The following ROBO2 variants were observed in gnomAD, a reference collection of about 807,000 sequenced individuals.
ROBO2 encodes the protein roundabout guidance receptor 2.
A neutral mutation model predicts 160.8 loss-of-function variants in ROBO2; 53 were observed. The observed-to-expected ratio is 0.33, with a 90% CI of 0.26 to 0.41. The LOEUF is 0.41. Ranked by LOEUF, ROBO2 falls within the 10% of genes least tolerant of loss-of-function variation. The pLI, the probability that ROBO2 is intolerant of heterozygous loss-of-function variation, is 1.00. For synonymous variants in ROBO2, 664 were observed against 611.7 expected (o/e 1.09, Z -1.26); for missense variants, 1,577 against 1,722.4 (o/e 0.92, Z 1.49).
At chr3:76,352,304 T>C (rs186452679) in intron 2 of ROBO2, among the ~76,000 whole-genome samples, 63 of 152,032 alleles carry the variant, frequency 4.1e-4, no homozygotes, top group African/African-American at 1.3e-3. Flanking sequence ...CTATGACTAG[T>C]TGGAGTGAGG....
chr3:76,806,214 C>CGTGTGTGTGTGTGTGT (rs71104623), intron 2 of ROBO2, among the ~76,000 whole-genome samples: 57 of 146,272 alleles, frequency 3.9e-4, no homozygotes, highest in African/African-American at 1.3e-3. Context: ...TTTCTGTGTG[C>CGTGTGTGTGTGTGTGT]GTGTGTGTGT....
chr3:76,381,453 G>A (rs1163186106), intron 2 of ROBO2, among the ~76,000 whole-genome samples: 3 of 151,948 alleles, frequency 2.0e-5, no homozygotes, highest in Non-Finnish European at 4.4e-5. Context: ...CAGTTTAAGC[G>A]ATTCTCCTGC....
chr3:77,577,400 G>C, intron 14 of ROBO2, 90 bp from the exon 16 acceptor site: 3 of 1,565,572 alleles, frequency 1.9e-6, no homozygotes, highest in Non-Finnish European at 1.8e-6. Flanking sequence ...AGAGTCTCCT[G>C]CAACTTGTCT....
intron 2 of ROBO2, among the ~76,000 whole-genome samples, chr3:76,035,489 C>T (rs7625915): frequency 0.22 from 33,290 of 151,510 alleles, 4,493 homozygotes; most frequent in African/African-American, 0.37. Flanking sequence ...TCTGAGGATG[C>T]GCTAGGCTAG....
Position 75,928,479 on chromosome 3 carries a change from G to C in ROBO2, c.-13-9002G>C, listed in dbSNP as rs922097111. ...GTCAGTGAACTCTTATCCAGATGCT[G>C]TATCTTGGCCAGACCATCAAGAATT... On this transcript the variant is annotated intron_variant, in intron 1 of 26. Transcript: ENST00000487694. Among the ~76,000 whole-genome samples the C allele has an allele frequency of 7.0e-4, 3 of 4,264 alleles. No homozygotes were observed. In the Non-Finnish European group the frequency reaches 9.7e-3, roughly 14 times the overall value. The allele number at this position is 4,264 out of a possible 152,430, so 2.8% of individuals were successfully genotyped here.
At chr3:76,520,400 G>T (rs543407246) in intron 2 of ROBO2, among the ~76,000 whole-genome samples, 1 of 152,098 alleles carries the variant, frequency 6.6e-6, no homozygotes, top group African/African-American at 2.4e-5. Context: ...GCAGTGAGCC[G>T]AGATTGTGCC....
intron 1 of ROBO2, among the ~76,000 whole-genome samples, chr3:77,049,460 T>C (rs574980302): frequency 1.3e-5 from 2 of 152,360 alleles, no homozygotes; most frequent in South Asian, 2.1e-4. Flanking sequence ...TTCAATGATA[T>C]GGCTATGGAT....
chr3:76,208,652 T>A (rs2107303997), intron 2 of ROBO2, among the ~76,000 whole-genome samples: 1 of 152,232 alleles, frequency 6.6e-6, no homozygotes, highest in East Asian at 1.9e-4. Context: ...GTTCTAGAAA[T>A]CTCTCTGAGA....
At chr3:77,141,235 C>T (rs1224191431) in intron 2 of ROBO2, among the ~76,000 whole-genome samples, 2 of 152,048 alleles carry the variant, frequency 1.3e-5, no homozygotes, top group African/African-American at 2.4e-5. Context: ...TGTAGCTGAG[C>T]AGTACTTACT....
chr3:76,882,661 A>G (rs759985382), intron 2 of ROBO2, among the ~76,000 whole-genome samples: 14 of 152,340 alleles, frequency 9.2e-5, no homozygotes, highest in Non-Finnish European at 2.1e-4. Context: ...ATACAAATTT[A>G]CAGTAAGGTT....
intron 1 of ROBO2, among the ~76,000 whole-genome samples, chr3:77,086,522 C>A (rs181174883): frequency 6.6e-6 from 1 of 152,262 alleles, no homozygotes; most frequent in African/African-American, 2.4e-5. Context: ...ATGCACATAT[C>A]TGCACAAAAT....
chr3:76,274,360 AAGAATTTTC>A (rs991627465), intron 2 of ROBO2, among the ~76,000 whole-genome samples: 2 of 152,108 alleles, frequency 1.3e-5, no homozygotes, highest in African/African-American at 4.8e-5. Flanking sequence ...TAAAAAAAAA[AAGAATTTTC>A]AGCATGATAT....
At chr3:76,063,699 T>C (rs1183402941) in intron 2 of ROBO2, among the ~76,000 whole-genome samples, 1 of 152,146 alleles carries the variant, frequency 6.6e-6, no homozygotes, top group Non-Finnish European at 1.5e-5. Flanking sequence ...AGCTTATTCA[T>C]ATACTGAGAT....
chr3:76,436,551 G>A (rs974842504), intron 2 of ROBO2, among the ~76,000 whole-genome samples: 2 of 152,024 alleles, frequency 1.3e-5, no homozygotes, highest in African/African-American at 4.8e-5. Flanking sequence ...ACCAAAATAG[G>A]CAACTTTTTT....
At chr3:77,123,565 T>G (rs934865700) in intron 2 of ROBO2, among the ~76,000 whole-genome samples, 42 of 152,186 alleles carry the variant, frequency 2.8e-4, no homozygotes, top group African/African-American at 9.9e-4. Flanking sequence ...GTGTGGCCCT[T>G]GCCTTTTGAC....
At chr3:76,041,074 T>C (rs2067257590) in intron 2 of ROBO2, among the ~76,000 whole-genome samples, 1 of 152,066 alleles carries the variant, frequency 6.6e-6, no homozygotes, top group Non-Finnish European at 1.5e-5. Flanking sequence ...TTGGTTCCTT[T>C]CCAATGCCAA....
chr3:77,472,040 A>G (rs1416378588), intron 2 of ROBO2, among the ~76,000 whole-genome samples: 1 of 151,980 alleles, frequency 6.6e-6, no homozygotes, highest in African/African-American at 2.4e-5. Context: ...TCCATTTGCT[A>G]CTCACTGGGT....
chr3:76,543,980 C>A (rs1001287413), intron 2 of ROBO2, among the ~76,000 whole-genome samples: 1 of 151,912 alleles, frequency 6.6e-6, no homozygotes, highest in African/African-American at 2.4e-5. Flanking sequence ...TGAATACATG[C>A]TCTTCATTTT....
At chr3:76,313,600 AG>A (rs35100518) in intron 2 of ROBO2, among the ~76,000 whole-genome samples, 8,197 of 152,246 alleles carry the variant, frequency 0.054, 228 homozygotes, top group African/African-American at 0.07. Context: ...AACATTTTAA[AG>A]GTTACTTTAC....
Sources: allele counts gnomAD v4.1 joint callset (sites outside exome capture counted in the v4.1 genomes callset), GRCh38; gene constraint gnomAD v4.1.1; transcripts MANE v1.5; gene names NCBI Gene and HGNC (gene_info 2026-07-23, HGNC 2026-07-21).